CACNB2: variants seen among roughly 807,000 people sequenced by gnomAD.
The protein encoded by CACNB2 is voltage-dependent L-type calcium channel subunit beta-2.
Under a neutral mutation model 73.3 loss-of-function variants are expected in CACNB2, and 42 were observed. The observed-to-expected ratio is 0.57, with a 90% confidence interval of 0.45 to 0.74. The LOEUF (loss-of-function observed/expected upper bound fraction) is 0.74. Ranked by LOEUF, CACNB2 falls within the 30% of genes least tolerant of loss-of-function variation. The pLI is 0.00. For synonymous variants in CACNB2, 348 were observed against 310.3 expected, an observed-to-expected ratio of 1.12 and a Z score of -1.28; for missense variants, 940 against 853.0, an observed-to-expected ratio of 1.10 and a Z score of -1.27.
At chr10:18,239,540 T>C (rs1303100932) in intron 2 of CACNB2, among the ~76,000 whole-genome samples, 1 of 152,202 alleles carries the variant, frequency 6.6e-6, no homozygotes, top group Non-Finnish European at 1.5e-5. Flanking sequence ...AGTAGATATA[T>C]ACACCCCACA....
chr10:18,513,250 A>G (rs1486252891), intron 6 of CACNB2: 1 of 160,676 alleles, frequency 6.2e-6, no homozygotes, highest in Non-Finnish European at 1.4e-5. Flanking sequence ...GTTGCACAGA[A>G]TAAGAGAAGA....
chr10:18,330,614 C>T (rs2040761212), intron 2 of CACNB2, among the ~76,000 whole-genome samples: 1 of 152,124 alleles, frequency 6.6e-6, no homozygotes, highest in Non-Finnish European at 1.5e-5. Flanking sequence ...TGCCACTTCC[C>T]TGGGTGACAG....
At chr10:18,418,512 A>G (rs111609298) in intron 3 of CACNB2, among the ~76,000 whole-genome samples, 6,981 of 152,268 alleles carry the variant, frequency 0.046, 193 homozygotes, top group East Asian at 0.094. Context: ...ACTGTAATCT[A>G]GCTTAATAGG....
intron 2 of CACNB2, among the ~76,000 whole-genome samples, chr10:18,232,734 T>A (rs1335308252): frequency 1.3e-5 from 2 of 152,228 alleles, no homozygotes; most frequent in East Asian, 1.9e-4. Flanking sequence ...AACAGTTTTT[T>A]AAAATTCTTT....
chr10:18,467,724 C>G (rs1378776137), intron 3 of CACNB2, among the ~76,000 whole-genome samples: 1 of 152,186 alleles, frequency 6.6e-6, no homozygotes, highest in South Asian at 2.1e-4. Context: ...AATGGGTCCT[C>G]CCTTGGGAAC....
chr10:18,485,061 G>C (rs1410963932), intron 3 of CACNB2, among the ~76,000 whole-genome samples: 1 of 152,088 alleles, frequency 6.6e-6, no homozygotes, highest in Non-Finnish European at 1.5e-5. Context: ...AGGATCATTT[G>C]AGCATGGAAT....
intron 2 of CACNB2, among the ~76,000 whole-genome samples, chr10:18,277,164 A>C (rs1339594486): frequency 1.2e-4 from 18 of 152,188 alleles, no homozygotes; most frequent in Non-Finnish European, 2.5e-4. Context: ...AATTCTGAGT[A>C]AAGAATCCCG....
chr10:18,493,922 A>T (rs1407420521), intron 3 of CACNB2, among the ~76,000 whole-genome samples: 1 of 152,118 alleles, frequency 6.6e-6, no homozygotes, highest in African/African-American at 2.4e-5. Flanking sequence ...CTGTACTCTA[A>T]TTTTAGAAAT....
intron 2 of CACNB2, among the ~76,000 whole-genome samples, chr10:18,290,091 G>GTT (rs1215356404): frequency 1.4e-5 from 1 of 70,840 alleles, no homozygotes; most frequent in Non-Finnish European, 3.3e-5. Flanking sequence ...TCTCTTTAAA[G>GTT]TTTTTTTCTT....
chr10:18,253,254 AAC>A (rs2131561349), intron 2 of CACNB2, among the ~76,000 whole-genome samples: 1 of 152,312 alleles, frequency 6.6e-6, no homozygotes, highest in Admixed American at 6.5e-5. Context: ...AAAAGTTGCA[AAC>A]AGTCCATTTT....
chr10:18,415,112 A>G (rs538636693), intron 3 of CACNB2, among the ~76,000 whole-genome samples: 35 of 152,318 alleles, frequency 2.3e-4, no homozygotes, highest in Admixed American at 2.1e-3. Flanking sequence ...CAAGAAGCTC[A>G]TGGTCTAATG....
At chr10:18,518,871 T>A (rs760500146) in intron 8 of CACNB2, 39 bp from the exon 9 acceptor site, 2 of 1,567,210 alleles carry the variant, frequency 1.3e-6, no homozygotes, top group African/African-American at 2.7e-5. Flanking sequence ...TAGTAATTTT[T>A]TTTGGTCATA....
intron 2 of CACNB2, among the ~76,000 whole-genome samples, chr10:18,165,985 A>G (rs1033539480): frequency 1.3e-5 from 2 of 152,158 alleles, no homozygotes; most frequent in Admixed American, 1.3e-4. Flanking sequence ...GTAGTCTATT[A>G]AGAAAGTTAT....
intron 3 of CACNB2, among the ~76,000 whole-genome samples, chr10:18,466,201 A>G (rs557506391): frequency 6.6e-6 from 1 of 152,222 alleles, no homozygotes; most frequent in Admixed American, 6.5e-5. Flanking sequence ...ACTTCCAGAC[A>G]CTAAAGCTGG....
At chr10:18,168,442 C>T (rs952024488) in intron 2 of CACNB2, among the ~76,000 whole-genome samples, 3 of 152,018 alleles carry the variant, frequency 2.0e-5, no homozygotes, top group Non-Finnish European at 2.9e-5. Flanking sequence ...CTTCATTCTG[C>T]AAAAACAGAT....
At chr10:18,436,590 G>C (rs1164294931) in intron 3 of CACNB2, among the ~76,000 whole-genome samples, 6 of 152,170 alleles carry the variant, frequency 3.9e-5, no homozygotes, top group Admixed American at 2.6e-4. Flanking sequence ...ATAGTCAGAA[G>C]TACTGTTGCT....
chr10:18,382,435 A>C (rs1333602513), intron 2 of CACNB2, among the ~76,000 whole-genome samples: 1 of 152,018 alleles, frequency 6.6e-6, no homozygotes, highest in Non-Finnish European at 1.5e-5. Flanking sequence ...CAGGTTTGTT[A>C]TATAGGTAAA....
intron 3 of CACNB2, among the ~76,000 whole-genome samples, chr10:18,441,039 G>A (rs1361945312): frequency 6.6e-6 from 1 of 152,258 alleles, no homozygotes; most frequent in Admixed American, 6.5e-5. Context: ...TTGGGAACCA[G>A]TGTGGAAGCG....
intron 2 of CACNB2, among the ~76,000 whole-genome samples, chr10:18,318,126 T>A (rs1037012442): frequency 6.6e-6 from 1 of 152,176 alleles, no homozygotes; most frequent in Non-Finnish European, 1.5e-5. Context: ...AAAAGCTATT[T>A]TAAATTTCAT....
Sources: allele counts gnomAD v4.1 joint callset (sites outside exome capture counted in the v4.1 genomes callset), GRCh38; gene constraint gnomAD v4.1.1; transcripts MANE v1.5; gene names NCBI Gene and HGNC (gene_info 2026-07-23, HGNC 2026-07-21).